The following TBCD variants were observed in gnomAD, a reference collection of about 807,000 sequenced individuals.
TBCD encodes the protein tubulin-specific chaperone D.
A neutral mutation model predicts 169.3 loss-of-function variants in TBCD; 105 were observed. That is an observed-to-expected ratio of 0.62 (90% CI 0.53 to 0.73). The LOEUF (loss-of-function observed/expected upper bound fraction) is 0.73. Ranked by LOEUF, TBCD falls within the 30% of genes least tolerant of loss-of-function variation. The pLI is 0.00. For missense variants in TBCD, 1,444 were observed against 1,600.1 expected, an observed-to-expected ratio of 0.90 and a Z score of 1.66; for synonymous variants, 700 against 643.9, an observed-to-expected ratio of 1.09 and a Z score of -1.32.
In TBCD at chr17:82,832,061, G is replaced by C; in HGVS notation, c.1318+17127G>C. 1.2e-6 allele frequency: 2 copies of C among 1,613,984 alleles called. No homozygotes were observed. The highest frequency in any genetic ancestry group is 1.7e-6 in the Non-Finnish European group (2 of 1,179,858). The stretch of plus-strand genomic sequence containing the variant: ...CTCTTGCAGGGTGATGCCCTGTGGA[G>C]GGCTGGCTTCTGTCCCAGGCACCTG... On this transcript the variant is annotated intron_variant, in intron 13 of 38. Transcript: ENST00000355528. This position sits in a 1 kb window ranked among gnomAD's most constrained non-coding sequence, Gnocchi z 4.9.
At chr17:82,788,167 G>A (rs1207688143) in intron 7 of TBCD, among the ~76,000 whole-genome samples, 8 of 152,202 alleles carry the variant, frequency 5.3e-5, no homozygotes, top group African/African-American at 1.9e-4. Context: ...GAACCCGGGA[G>A]GTGGAGGTTG....
chr17:82,838,569 C>T (rs2054183084), intron 13 of TBCD: 1 of 833,372 alleles, frequency 1.2e-6, no homozygotes, highest in Non-Finnish European at 1.4e-6. Flanking sequence ...TGTTGCATAA[C>T]TCAAGGACAC....
chr17:82,828,520 T>C (rs1420393861), intron 13 of TBCD, among the ~76,000 whole-genome samples: 1 of 106,154 alleles, frequency 9.4e-6, no homozygotes, highest in Non-Finnish European at 1.8e-5. Flanking sequence ...CCCGCAGATA[T>C]GCACACGTGC....
intron 13 of TBCD, among the ~76,000 whole-genome samples, chr17:82,821,829 A>G (rs1162506332): frequency 1.3e-5 from 2 of 152,256 alleles, no homozygotes; most frequent in Non-Finnish European, 2.9e-5. Flanking sequence ...GGAAATACAG[A>G]CTGCCTAACT....
chr17:82,792,081 G>A (rs546256966), intron 7 of TBCD, among the ~76,000 whole-genome samples: 2 of 152,268 alleles, frequency 1.3e-5, no homozygotes, highest in East Asian at 1.9e-4. Context: ...AGGCCGAGGC[G>A]GGTGGATCAC....
At chr17:82,925,370 G>A (rs915905734) in intron 27 of TBCD, among the ~76,000 whole-genome samples, 6 of 152,208 alleles carry the variant, frequency 3.9e-5, no homozygotes, top group South Asian at 2.1e-4. Context: ...GCCTTTGTGC[G>A]TTGTGGAGCC....
intron 36 of TBCD, chr17:82,939,019 G>A (rs965485341): frequency 5.3e-6 from 2 of 376,744 alleles, no homozygotes; most frequent in Non-Finnish European, 9.8e-6. Flanking sequence ...AATAGCAGGC[G>A]AGATTGCTTC....
At chr17:82,780,237 C>T (rs969995214) in intron 6 of TBCD, among the ~76,000 whole-genome samples, 38 of 152,208 alleles carry the variant, frequency 2.5e-4, no homozygotes, top group African/African-American at 8.7e-4. Context: ...CAGCCCCCCT[C>T]GTTGAGCTCC....
In TBCD at chr17:82,874,051, A is replaced by G. The variant is rs1448172523; in HGVS notation, c.1475+3671A>G. Among the ~76,000 whole-genome samples, 1 of 152,008 alleles carries G rather than the reference A, an allele frequency of 6.6e-6. No homozygotes were observed. Among genetic ancestry groups the G allele is most frequent in the Non-Finnish European group, 1.5e-5 (1 of 67,980 alleles). The stretch of plus-strand genomic sequence containing the variant: ...CTTTTGGAGCAGCTGCCACGTGTGG[A>G]CCGGCACGGGCATGGTCGTGGTCTG... On this transcript the variant is annotated intron_variant, in intron 14 of 38. Transcript: ENST00000355528. This position sits in a 1 kb window ranked among gnomAD's most constrained non-coding sequence, Gnocchi z 5.0.
chr17:82,850,234 T>C (rs986620681), intron 13 of TBCD, among the ~76,000 whole-genome samples: 2 of 146,100 alleles, frequency 1.4e-5, no homozygotes, highest in Non-Finnish European at 3.0e-5. Context: ...TTGGCTGTGC[T>C]GCTGTTGGCT....
At chr17:82,775,061 A>G (rs1210034165) in intron 6 of TBCD, among the ~76,000 whole-genome samples, 2 of 152,240 alleles carry the variant, frequency 1.3e-5, no homozygotes, top group South Asian at 2.1e-4. Flanking sequence ...AGGAGGCACC[A>G]TCTGAGTACT....
chr17:82,928,444 T>A (rs978116099), intron 30 of TBCD, among the ~76,000 whole-genome samples: 1 of 151,918 alleles, frequency 6.6e-6, no homozygotes, highest in African/African-American at 2.4e-5. Flanking sequence ...GGGCACGGGG[T>A]TGTGGGTACC....
In TBCD at chr17:82,864,580, T is replaced by C. The variant is rs184675116; in HGVS notation, c.1319-5644T>C. On this transcript the variant is annotated intron_variant, in intron 13 of 38. Transcript: ENST00000355528. This position sits in a 1 kb window ranked among gnomAD's most constrained non-coding sequence, Gnocchi z 6.3. ...CACCTTGACAGAGGGTCCTTGACTC[T>C]GCGACCCTGCACAGTGGGTGGTGGC... Among the ~76,000 whole-genome samples the C allele has an allele frequency of 9.6e-4, 146 of 152,326 alleles. No homozygotes were observed. The highest frequency in any genetic ancestry group is 1.8e-3 in the Non-Finnish European group (125 of 68,014).
chr17:82,873,411 T>A (rs1319815824), intron 14 of TBCD, among the ~76,000 whole-genome samples: 1 of 152,144 alleles, frequency 6.6e-6, no homozygotes, highest in East Asian at 1.9e-4. Context: ...GGGCCATCAC[T>A]CATGGGTTCT....
At chr17:82,916,305 C>T (rs1025557001) in intron 23 of TBCD, among the ~76,000 whole-genome samples, 9 of 151,992 alleles carry the variant, frequency 5.9e-5, no homozygotes, top group African/African-American at 1.7e-4. Context: ...GTCACAGTGG[C>T]GCGATCTCGG....
chr17:82,933,054 G>A (rs1249065157), intron 34 of TBCD, among the ~76,000 whole-genome samples: 2 of 151,938 alleles, frequency 1.3e-5, no homozygotes, highest in Admixed American at 6.5e-5. Flanking sequence ...GCTGGGAGCC[G>A]CAGGGCCTGA....
chr17:82,893,989 G>A (rs1362996356), intron 17 of TBCD, among the ~76,000 whole-genome samples: 2 of 113,400 alleles, frequency 1.8e-5, no homozygotes, highest in Non-Finnish European at 3.6e-5. Context: ...TTGAGAGGAA[G>A]CAGCTGCAAG....
chr17:82,793,656 C>T (rs190099712), intron 7 of TBCD, among the ~76,000 whole-genome samples: 266 of 152,310 alleles, frequency 1.7e-3, no homozygotes, highest in African/African-American at 5.5e-3. Flanking sequence ...AGCACAGGCA[C>T]GGACCTGGGG....
chr17:82,926,493 T>C lies in TBCD; in HGVS notation c.2471+2T>C. On this transcript the variant is annotated splice_donor_variant, in intron 28 of 38. Coordinates refer to ENST00000355528, the MANE Select transcript of TBCD (RefSeq NM_005993.5). LOFTEE classifies it high-confidence loss of function. ...AGACGGCTTGAAGGCCATTGCGAGGTGAGTCCCAACAGTTCCTCCCTAAAG... is the reference window on the plus strand; with the variant it reads ...AGACGGCTTGAAGGCCATTGCGAGGCGAGTCCCAACAGTTCCTCCCTAAAG... 1 of 1,613,464 alleles carries C rather than the reference T, an allele frequency of 6.2e-7. No individual in the cohort carries two copies. Among genetic ancestry groups the C allele is most frequent in the Non-Finnish European group, 8.5e-7 (1 of 1,179,596 alleles).
Sources: gnomAD v4.1 joint callset for allele counts (sites outside exome capture counted in the v4.1 genomes callset) on GRCh38, gnomAD v4.1.1 for gene constraint, Gnocchi (gnomAD v3.1) non-coding constraint, MANE v1.5 for transcripts, NCBI Gene and HGNC (gene_info 2026-07-23, HGNC 2026-07-21) for gene names.